Variants in RYR3 observed in about 807,000 individuals in gnomAD.
The protein encoded by RYR3 is brain ryanodine receptor-calcium release channel.
Under a neutral mutation model 584.3 loss-of-function variants are expected in RYR3, and 207 were observed. That is an observed-to-expected ratio of 0.35 (90% CI 0.32 to 0.40). The LOEUF (loss-of-function observed/expected upper bound fraction) is 0.40, where lower values mean the gene tolerates loss of function less well. Ranked by LOEUF, RYR3 falls within the 10% of genes least tolerant of loss-of-function variation. The pLI, the probability that RYR3 is intolerant of heterozygous loss-of-function variation, is 1.00. For missense variants in RYR3, 5,616 were observed against 6,089.2 expected, an observed-to-expected ratio of 0.92 and a Z score of 2.59; for synonymous variants, 2,416 against 2,248.5, an observed-to-expected ratio of 1.07 and a Z score of -2.11.
intron 1 of RYR3, among the ~76,000 whole-genome samples, chr15:33,364,935 G>A (rs16970122): frequency 1.3e-5 from 2 of 152,090 alleles, no homozygotes; most frequent in African/African-American, 2.4e-5. Context: ...ACTTGCAAAC[G>A]ATCTCAGGAA....
At chr15:33,755,225 T>C (rs2071695603) in intron 58 of RYR3, 45 bp downstream of exon 58, 1 of 1,096,404 alleles carries the variant, frequency 9.1e-7, no homozygotes, top group East Asian at 2.5e-5. Context: ...AATATTCTTT[T>C]ATCAAGAAAT....
At chr15:33,780,132 A>G (rs1296005630) in intron 64 of RYR3, 79 bp from the exon 65 acceptor site, 6 of 1,547,502 alleles carry the variant, frequency 3.9e-6, no homozygotes, top group African/African-American at 1.4e-5. Flanking sequence ...GGATTAATCT[A>G]TGGGGAAGGC....
intron 5 of RYR3, among the ~76,000 whole-genome samples, chr15:33,535,397 C>T (rs886855298): frequency 2.6e-5 from 4 of 152,190 alleles, no homozygotes; most frequent in African/African-American, 9.6e-5. Flanking sequence ...CCGCCTTTGC[C>T]CATTATGGCT....
At chr15:33,555,397 C>G (rs1331831278) in intron 10 of RYR3, among the ~76,000 whole-genome samples, 1 of 152,182 alleles carries the variant, frequency 6.6e-6, no homozygotes. Flanking sequence ...TAGTAAGATT[C>G]AAATGCCTGA....
At position 33,854,749 on chromosome 15, in the gene RYR3, C is replaced by T. The variant is rs1474450891; in HGVS notation, c.13861-17C>T. 6.3e-7 allele frequency: 1 copy of T among 1,587,662 alleles called. No individual in the cohort carries two copies. Among genetic ancestry groups the T allele is most frequent in the South Asian group, 1.2e-5 (1 of 85,112 alleles). On this transcript the variant is annotated splice_polypyrimidine_tract_variant and intron_variant, in intron 97 of 103. Coordinates refer to ENST00000634891, the MANE Select transcript of RYR3 (RefSeq NM_001036.6). ...TGAGGCAAACATGCTTAAAAGTCTG[C>T]TTTCTTCCATTCCCAGTCCTTTCTC...
intron 19 of RYR3, among the ~76,000 whole-genome samples, chr15:33,621,208 C>G (rs1417619036): frequency 6.6e-6 from 1 of 152,162 alleles, no homozygotes; most frequent in Non-Finnish European, 1.5e-5. Flanking sequence ...TTAAATTCCT[C>G]TAGAAATCCT....
intron 86 of RYR3, among the ~76,000 whole-genome samples, chr15:33,831,622 A>G (rs926863842): frequency 6.6e-6 from 1 of 152,236 alleles, no homozygotes. Context: ...CCGCAAGTGT[A>G]TTTCATGTTA....
At chr15:33,706,861 G>T (rs2066753727) in intron 42 of RYR3, 58 bp from the exon 43 acceptor site, 3 of 1,504,372 alleles carry the variant, frequency 2.0e-6, no homozygotes, top group Admixed American at 2.2e-5. Context: ...TTTGAGGTGT[G>T]TTTTTTAATA....
intron 74 of RYR3, chr15:33,815,410 A>G (rs950653487): frequency 1.3e-5 from 2 of 153,356 alleles, no homozygotes; most frequent in African/African-American, 4.8e-5. Flanking sequence ...CCTAGCTCGA[A>G]AGCACATGTC....
Position 33,660,460 on chromosome 15 carries a change from A to T in RYR3, c.4622+37A>T, listed in dbSNP as rs373984625. Reference sequence around the variant, plus strand: ...GCCCGCGAAGGAAGGGGCAGGCCTGAGGGGCAGGTGAGGCAGAGCCAAGCC... The same window carrying T: ...GCCCGCGAAGGAAGGGGCAGGCCTGTGGGGCAGGTGAGGCAGAGCCAAGCC... On this transcript the variant is annotated intron_variant, in intron 34 of 103. Coordinates refer to ENST00000634891, the MANE Select transcript of RYR3 (RefSeq NM_001036.6). 3,009 of 1,440,458 alleles carry T rather than the reference A, an allele frequency of 2.1e-3. 3 individuals are homozygous for T. Among genetic ancestry groups the T allele is most frequent in the Non-Finnish European group, 2.1e-3 (2,231 of 1,067,616 alleles). The allele number at this position is 1,440,458 out of a possible 1,614,324, so 89.2% of individuals were successfully genotyped here. A position where few individuals can be genotyped will look rare whatever the true frequency, so the allele number is the denominator to read the frequency against.
intron 42 of RYR3, among the ~76,000 whole-genome samples, chr15:33,702,488 T>C (rs1314423541): frequency 6.6e-6 from 1 of 152,134 alleles, no homozygotes; most frequent in Non-Finnish European, 1.5e-5. Flanking sequence ...TAATTAGATA[T>C]CAGTTCAGCC....
chr15:33,729,819 T>C (rs2068793762), intron 47 of RYR3, among the ~76,000 whole-genome samples: 1 of 152,092 alleles, frequency 6.6e-6, no homozygotes, highest in South Asian at 2.1e-4. Flanking sequence ...TTATAACATT[T>C]CTCAAAGGCT....
rs781646279 is a variant in RYR3 at position 33,810,519 on chromosome 15, G to T, written c.10067G>T (p.Arg3356Leu). The T allele has an allele frequency of 9.3e-6, 15 of 1,613,854 alleles. No individual in the cohort carries two copies. The highest frequency in any genetic ancestry group is 1.6e-4 in the Middle Eastern group (1 of 6,084). ...QDQERKKTKR[R>L]GDLYSIQTSL... ...CAGGAGCGGAAGAAGACAAAGCGGC[G>T]GGGAGACTTGTATTCCATCCAGACC... Residue 3356 changes from arginine (R) to leucine (L), a missense_variant, in exon 71 of 104, where the codon CGG becomes CTG. Transcript: ENST00000634891.
chr15:33,630,396 A>G (rs2061206591), intron 22 of RYR3, among the ~76,000 whole-genome samples: 1 of 152,178 alleles, frequency 6.6e-6, no homozygotes, highest in Admixed American at 6.5e-5. Context: ...CTAAAATTCA[A>G]TTTTAAAATA....
intron 47 of RYR3, 72 bp from the exon 48 acceptor site, chr15:33,731,402 G>T (rs2068938455): frequency 9.1e-7 from 1 of 1,093,018 alleles, no homozygotes; most frequent in South Asian, 1.3e-5. Context: ...TGCTACATGG[G>T]AACTCTGTGC....
intron 87 of RYR3, 108 bp downstream of exon 87, chr15:33,835,180 G>A: frequency 1.2e-6 from 1 of 836,140 alleles, no homozygotes; most frequent in Non-Finnish European, 1.9e-6. Context: ...GGCTGGACAA[G>A]CCATGCATAT....
chr15:33,381,096 G>A (rs1167342591), intron 1 of RYR3, among the ~76,000 whole-genome samples: 4 of 152,064 alleles, frequency 2.6e-5, no homozygotes, highest in Admixed American at 1.3e-4. Flanking sequence ...CTTTGAAAGC[G>A]TTCCCTGTTA....
intron 13 of RYR3, among the ~76,000 whole-genome samples, chr15:33,580,777 G>C (rs1346025096): frequency 6.6e-6 from 1 of 152,244 alleles, no homozygotes; most frequent in African/African-American, 2.4e-5. Flanking sequence ...CCTGGGCACA[G>C]GGCTTGTCCC....
chr15:33,389,894 C>T (rs974652064), intron 1 of RYR3, among the ~76,000 whole-genome samples: 7 of 152,082 alleles, frequency 4.6e-5, no homozygotes, highest in African/African-American at 9.7e-5. Flanking sequence ...GAAAATGTAA[C>T]ATGACAGTGA....
Sources: allele counts gnomAD v4.1 joint callset (sites outside exome capture counted in the v4.1 genomes callset), GRCh38; gene constraint gnomAD v4.1.1; transcripts MANE v1.5; gene names NCBI Gene and HGNC (gene_info 2026-07-23, HGNC 2026-07-21).